The following STX3 variants were observed in gnomAD, a reference collection of about 807,000 sequenced individuals.
STX3 encodes syntaxin-3.
Under a neutral mutation model 40.2 loss-of-function variants are expected in STX3, and 19 were observed. That is an observed-to-expected ratio of 0.47 (90% CI 0.33 to 0.69). The LOEUF is 0.69. Ranked by LOEUF, STX3 falls within the 30% of genes least tolerant of loss-of-function variation. STX3 has a pLI of 0.02. For missense variants in STX3, 364 were observed against 366.7 expected (o/e 0.99, Z 0.06); for synonymous variants, 122 against 132.2 (o/e 0.92, Z 0.53).
rs1590840478 is a variant in STX3 at position 59,801,669 on chromosome 11, A to T, written c.*845A>T. The T allele has an allele frequency of 1.0e-6, 1 of 985,696 alleles. No homozygotes were observed. 61.1% of individuals were successfully genotyped at this position (985,696 alleles called of 1,614,324 possible). A position where few individuals can be genotyped will look rare whatever the true frequency, so the allele number is the denominator to read the frequency against. ...GGGATTTTAAATTGGGCAAGGGACAAGGTGCTAGAATCCTAAGCTCTGGAA... is the reference window on the plus strand; with the variant it reads ...GGGATTTTAAATTGGGCAAGGGACATGGTGCTAGAATCCTAAGCTCTGGAA... On this transcript the variant is annotated 3_prime_UTR_variant, in exon 11 of 11. Coordinates refer to ENST00000337979, the MANE Select transcript of STX3 (RefSeq NM_004177.5).
intron 3 of STX3, among the ~76,000 whole-genome samples, chr11:59,788,082 C>T (rs1483121974): frequency 6.6e-6 from 1 of 152,190 alleles, no homozygotes; most frequent in Non-Finnish European, 1.5e-5. Context: ...CACTCATACC[C>T]TTTACTTACT....
intron 1 of STX3, among the ~76,000 whole-genome samples, chr11:59,763,038 C>T (rs1863116778): frequency 6.6e-6 from 1 of 152,184 alleles, no homozygotes; most frequent in South Asian, 2.1e-4. Context: ...ATTCCTTGGG[C>T]TAAAGCACTG....
intron 1 of STX3, among the ~76,000 whole-genome samples, chr11:59,759,161 G>A (rs1299365887): frequency 6.6e-6 from 1 of 152,216 alleles, no homozygotes; most frequent in Non-Finnish European, 1.5e-5. Context: ...TACCAGATAA[G>A]TAAAGAGACC....
rs1304030665 is a variant in STX3 at position 59,805,373 on chromosome 11, A to G, written c.*4549A>G. ...CAACTGTGAGGAGCACACAACTGCT[A>G]AGTTTGTACTTTTGAAAGTAAATTA... On this transcript the variant is annotated 3_prime_UTR_variant, in exon 11 of 11. Coordinates refer to ENST00000337979, the MANE Select transcript of STX3 (RefSeq NM_004177.5). The G allele has an allele frequency of 6.6e-6, 1 of 152,186 alleles. No individual in the cohort carries two copies. The highest frequency in any genetic ancestry group is 1.5e-5 in the Non-Finnish European group (1 of 68,036). 9.4% of individuals were successfully genotyped at this position (152,186 alleles called of 1,614,324 possible).
chr11:59,785,062 A>G (rs1864663462), intron 2 of STX3, among the ~76,000 whole-genome samples: 1 of 152,160 alleles, frequency 6.6e-6, no homozygotes, highest in Non-Finnish European at 1.5e-5. Context: ...GAATAATGGT[A>G]CTGGTCCAGT....
At position 59,801,975 on chromosome 11, in the gene STX3, AGT is replaced by A; in HGVS notation, c.*1153_*1154del. ...TGGGAGAATAAAATGAGAACTCTGG[AGT>A]GAGCTAAATTGATCCCAATTAAGTT... On this transcript the variant is annotated 3_prime_UTR_variant, in exon 11 of 11. Transcript: ENST00000337979. 4.1e-6 allele frequency: 4 copies of A among 985,444 alleles called. No individual in the cohort carries two copies. The highest frequency in any genetic ancestry group is 4.8e-6 in the Non-Finnish European group (4 of 829,948). The allele number at this position is 985,444 out of a possible 1,614,324, so 61.0% of individuals were successfully genotyped here. A position where few individuals can be genotyped will look rare whatever the true frequency, so the allele number is the denominator to read the frequency against.
intron 10 of STX3, among the ~76,000 whole-genome samples, chr11:59,797,848 C>T (rs1248401218): frequency 6.6e-6 from 1 of 152,186 alleles, no homozygotes; most frequent in Non-Finnish European, 1.5e-5. Context: ...GCAGAGTTTT[C>T]TCTGTTGCTG....
chr11:59,801,166 A>C lies in STX3; in HGVS notation c.*342A>C. On this transcript the variant is annotated 3_prime_UTR_variant, in exon 11 of 11. Transcript: ENST00000337979. ...TTGCACTTGGGAAAGCTCTTGTGAG[A>C]CTCTCCCAAGGTGCTGTATTTTTCT... 1.6e-6 allele frequency: 2 copies of C among 1,263,922 alleles called. No individual in the cohort carries two copies. The highest frequency in any genetic ancestry group is 2.0e-6 in the Non-Finnish European group (2 of 1,000,002). The allele number at this position is 1,263,922 out of a possible 1,614,324, so 78.3% of individuals were successfully genotyped here.
At position 59,755,437 on chromosome 11, in the gene STX3, C is replaced by A; in HGVS notation, c.-169C>A. 1.5e-6 allele frequency: 1 copy of A among 651,958 alleles called. No homozygotes were observed. Among genetic ancestry groups the A allele is most frequent in the Non-Finnish European group, 2.3e-6 (1 of 438,990 alleles). The allele number at this position is 651,958 out of a possible 1,614,324, so 40.4% of individuals were successfully genotyped here. ...GGCTGCGCGGCGGAGGCTCCCGTGG[C>A]CTCGGACGCTCCTCCTAGCTAGCGG... On this transcript the variant is annotated 5_prime_UTR_variant, in exon 1 of 11. Transcript: ENST00000337979.
intron 6 of STX3, 42 bp from the exon 7 acceptor site, chr11:59,793,057 C>T: frequency 1.5e-5 from 24 of 1,598,138 alleles, no homozygotes; most frequent in Middle Eastern, 1.9e-4. Flanking sequence ...TGGTGTTTCA[C>T]CGTGATCTTA....
intron 1 of STX3, among the ~76,000 whole-genome samples, chr11:59,769,003 A>T (rs950597935): frequency 5.0e-4 from 76 of 152,126 alleles, no homozygotes; most frequent in African/African-American, 1.8e-3. Context: ...CAAATAGTAT[A>T]CATTGTATCC....
At chr11:59,782,237 A>C (rs914119796) in intron 2 of STX3, among the ~76,000 whole-genome samples, 1 of 152,214 alleles carries the variant, frequency 6.6e-6, no homozygotes, top group African/African-American at 2.4e-5. Context: ...CACGCCCAAC[A>C]TGTAGAGTGA....
chr11:59,761,221 G>A (rs1863017718), intron 1 of STX3, among the ~76,000 whole-genome samples: 1 of 152,164 alleles, frequency 6.6e-6, no homozygotes. Flanking sequence ...CAATGAAGGC[G>A]AAGATGTGGC....
chr11:59,800,325 G>A lies in STX3; in HGVS notation c.*31-530G>A, dbSNP rs898522629. 4.1e-6 allele frequency: 4 copies of A among 985,258 alleles called. No homozygotes were observed. The African/African-American group carries it at 7.0e-5, about 17-fold the overall frequency. The allele number at this position is 985,258 out of a possible 1,614,324, so 61.0% of individuals were successfully genotyped here. ...GCCAGCTGCTTGCTCTAAGATCATA[G>A]TATCCTCATTTTACAGACGGGGAAA... On this transcript the variant is annotated intron_variant, in intron 10 of 10. Coordinates refer to ENST00000337979, the MANE Select transcript of STX3 (RefSeq NM_004177.5).
intron 2 of STX3, among the ~76,000 whole-genome samples, chr11:59,781,100 T>TTTTTTTTTTTTTTTTTTTTATATA (rs963410109): frequency 4.1e-5 from 6 of 146,358 alleles, no homozygotes; most frequent in Admixed American, 6.8e-5. Flanking sequence ...TTTTTTTTTT[T>TTTTTTTTTTTTTTTTTTTTATATA]TATATTAGCA....
intron 10 of STX3, chr11:59,799,615 C>G: frequency 1.0e-6 from 1 of 979,288 alleles, no homozygotes; most frequent in Non-Finnish European, 1.2e-6. Context: ...ATTTTTAAGA[C>G]TTGGCACATA....
At chr11:59,800,433 A>G (rs568166170) in intron 10 of STX3, 7 of 985,252 alleles carry the variant, frequency 7.1e-6, no homozygotes, top group South Asian at 4.7e-5. Flanking sequence ...AACTTTTTCC[A>G]TAGGCTTTTC....
intron 2 of STX3, among the ~76,000 whole-genome samples, chr11:59,773,627 A>G (rs1408898859): frequency 1.3e-5 from 2 of 152,200 alleles, no homozygotes; most frequent in Non-Finnish European, 2.9e-5. Flanking sequence ...GATCACAACC[A>G]TGAGTATAAA....
chr11:59,768,504 A>G (rs774153760), intron 1 of STX3, among the ~76,000 whole-genome samples: 1 of 152,178 alleles, frequency 6.6e-6, no homozygotes, highest in African/African-American at 2.4e-5. Context: ...TAGTGCTAAT[A>G]TGACTATTGA....
Sources: gnomAD v4.1 joint callset for allele counts (sites outside exome capture counted in the v4.1 genomes callset) on GRCh38, gnomAD v4.1.1 for gene constraint, MANE v1.5 for transcripts, NCBI Gene and HGNC (gene_info 2026-07-23, HGNC 2026-07-21) for gene names.